Variants in PTGFRN observed in about 807,000 individuals in gnomAD.
PTGFRN encodes prostaglandin F2 receptor inhibitor.
PTGFRN carries 35 observed loss-of-function variants against 83.2 expected under a neutral mutation model. The ratio of observed to expected loss-of-function variants is 0.42; its 90% CI spans 0.32 to 0.56. The LOEUF is 0.56. Among genes scored for constraint, PTGFRN ranks in the 20% least tolerant of loss-of-function variants. The probability of loss-of-function intolerance (pLI) is 0.11; values close to 1 mark genes in which losing one functional copy is unlikely to be tolerated. For synonymous variants in PTGFRN, 519 were observed against 498.6 expected, an observed-to-expected ratio of 1.04 and a Z score of -0.55; for missense variants, 1,051 against 1,179.5, an observed-to-expected ratio of 0.89 and a Z score of 1.60.
chr1:116,957,624 T>C (rs1230120541), intron 4 of PTGFRN, among the ~76,000 whole-genome samples: 2 of 152,228 alleles, frequency 1.3e-5, no homozygotes, highest in Admixed American at 1.3e-4. Flanking sequence ...TTTTTTGTGC[T>C]GAGAATGTCG....
intron 4 of PTGFRN, among the ~76,000 whole-genome samples, chr1:116,959,439 G>C (rs559015165): frequency 6.6e-6 from 1 of 152,240 alleles, no homozygotes; most frequent in Non-Finnish European, 1.5e-5. Flanking sequence ...TGCATTTTCT[G>C]GTCCACTGAA....
chr1:116,945,668 GTATCATACAGACCA>G (rs1650181902), intron 3 of PTGFRN, among the ~76,000 whole-genome samples: 1 of 151,322 alleles, frequency 6.6e-6, no homozygotes, highest in South Asian at 2.1e-4. Flanking sequence ...TTGCTTTCCT[GTATCATACAGACCA>G]CAGGAGCATC....
In PTGFRN at chr1:116,918,218, T is replaced by G. The variant is rs1343777767; in HGVS notation, c.49+7966T>G. Reference sequence around the variant, plus strand: ...ATCTCCCAATTAAAAGAGGAAAAAATAGGATTCAGGCTTCAGAATCAGCCT... The same window carrying G: ...ATCTCCCAATTAAAAGAGGAAAAAAGAGGATTCAGGCTTCAGAATCAGCCT... On this transcript the variant is annotated intron_variant, in intron 1 of 8. Transcript: ENST00000393203. The surrounding 1 kb of genome is among the most constrained non-coding windows in gnomAD (Gnocchi z 4.1). 6.6e-6 allele frequency among the ~76,000 whole-genome samples: 1 copy of G among 152,196 alleles called. No individual in the cohort carries two copies. Among genetic ancestry groups the G allele is most frequent in the Admixed American group, 6.5e-5 (1 of 15,270 alleles).
intron 4 of PTGFRN, among the ~76,000 whole-genome samples, chr1:116,955,525 C>A (rs897509455): frequency 3.3e-5 from 5 of 151,986 alleles, no homozygotes; most frequent in African/African-American, 1.2e-4. Context: ...TAAAGTATAT[C>A]CCAGACATCA....
chr1:116,979,703 C>T (rs1339701544), intron 7 of PTGFRN, among the ~76,000 whole-genome samples: 1 of 152,120 alleles, frequency 6.6e-6, no homozygotes, highest in African/African-American at 2.4e-5. Context: ...TTCCTTACAC[C>T]TTATACAAAA....
chr1:116,975,323 G>A (rs1435951082), intron 7 of PTGFRN, among the ~76,000 whole-genome samples: 1 of 152,228 alleles, frequency 6.6e-6, no homozygotes, highest in Admixed American at 6.5e-5. Context: ...ACAAAAGGCA[G>A]CAGAAACCTC....
At position 116,984,694 on chromosome 1, in the gene PTGFRN, G is replaced by A. The variant is rs1412537092; in HGVS notation, c.2182G>A (p.Asp728Asn). ...AALDPDDMAF[D>N]VSWFAVHSFG... ...GTAATCCGTAGATGACATGGCCTTT[G>A]ATGTGTCCTGGTTTGCGGTGCACTC... Residue 728 changes from aspartate to asparagine, a missense_variant, in exon 8 of 9, where the codon GAT (aspartate) becomes AAT (asparagine). Transcript: ENST00000393203. 2.5e-6 allele frequency: 4 copies of A among 1,613,974 alleles called. No homozygotes were observed. The highest frequency in any genetic ancestry group is 3.4e-6 in the Non-Finnish European group (4 of 1,179,944).
chr1:116,944,648 G>C (rs56209138), intron 2 of PTGFRN, 31 bp from the exon 3 acceptor site: 6 of 1,386,470 alleles, frequency 4.3e-6, no homozygotes, highest in South Asian at 1.9e-5. Context: ...CGGTGTGGAC[G>C]GGCTACTGAC....
At chr1:116,922,872 C>T (rs1444783789) in intron 1 of PTGFRN, among the ~76,000 whole-genome samples, 3 of 152,224 alleles carry the variant, frequency 2.0e-5, no homozygotes, top group Non-Finnish European at 4.4e-5. Context: ...TAGATGCACA[C>T]AACACCTTCT....
chr1:116,949,347 G>T lies in PTGFRN; in HGVS notation c.988G>T (p.Val330Leu). 6.2e-7 allele frequency: 1 copy of T among 1,614,268 alleles called. No homozygotes were observed. The highest frequency in any genetic ancestry group is 8.5e-7 in the Non-Finnish European group (1 of 1,180,054). The change falls in exon 4 of 9, where the codon GTG (valine) becomes TTG (leucine). Residue 330 changes from valine to leucine, a missense_variant. Val to Leu is a conservative substitution (Grantham distance 32). Coordinates refer to ENST00000393203, the MANE Select transcript of PTGFRN (RefSeq NM_020440.4). ...TGACAGCACCCTACCTGGCTCCCGC[G>T]TGTTGGCGCGGCTTGACCGTGATTC... ...MPDSTLPGSRVLARLDRDSLV... is the reference protein window; with the variant it reads ...MPDSTLPGSRLLARLDRDSLV...
At chr1:116,948,897 C>T (rs1178077648) in intron 3 of PTGFRN, among the ~76,000 whole-genome samples, 2 of 152,132 alleles carry the variant, frequency 1.3e-5, no homozygotes, top group Non-Finnish European at 2.9e-5. Flanking sequence ...AAAATTAGGC[C>T]TCTTAGGGTT....
intron 6 of PTGFRN, among the ~76,000 whole-genome samples, chr1:116,969,006 G>A (rs766946333): frequency 1.4e-4 from 21 of 151,834 alleles, no homozygotes; most frequent in African/African-American, 3.4e-4. Flanking sequence ...TAGTGCTGCC[G>A]TAAACATTAT....
At chr1:116,951,188 C>G in intron 4 of PTGFRN, among the ~76,000 whole-genome samples, 1 of 152,300 alleles carries the variant, frequency 6.6e-6, no homozygotes. Flanking sequence ...GCATTGATCC[C>G]GGCATACCCG....
intron 6 of PTGFRN, among the ~76,000 whole-genome samples, chr1:116,972,216 C>T (rs1241078585): frequency 6.6e-6 from 1 of 152,164 alleles, no homozygotes; most frequent in Non-Finnish European, 1.5e-5. Context: ...GGATGATGTC[C>T]AGAAGTAGGT....
intron 8 of PTGFRN, 89 bp from the exon 9 acceptor site, chr1:116,986,712 T>A (rs1651497434): frequency 7.6e-7 from 1 of 1,321,916 alleles, no homozygotes; most frequent in African/African-American, 1.5e-5. Flanking sequence ...CGGGAGATCC[T>A]GCTCCAGTGG....
At chr1:116,962,792 G>A (rs555561642) in intron 5 of PTGFRN, among the ~76,000 whole-genome samples, 1 of 152,240 alleles carries the variant, frequency 6.6e-6, no homozygotes, top group Admixed American at 6.5e-5. Context: ...CAACCTTACT[G>A]GGGCCAACAA....
At chr1:116,924,695 A>G (rs188132497) in intron 1 of PTGFRN, among the ~76,000 whole-genome samples, 4 of 152,286 alleles carry the variant, frequency 2.6e-5, no homozygotes, top group Non-Finnish European at 5.9e-5. Flanking sequence ...GAGCCTGGTG[A>G]AGGGCTATTT....
intron 3 of PTGFRN, among the ~76,000 whole-genome samples, chr1:116,945,310 C>T (rs1035533199): frequency 6.6e-5 from 10 of 152,118 alleles, no homozygotes; most frequent in African/African-American, 2.4e-4. Flanking sequence ...CGTTTTGCTT[C>T]GCAGCTGCTT....
chr1:116,927,381 C>G (rs896431754), intron 1 of PTGFRN, among the ~76,000 whole-genome samples: 4 of 152,156 alleles, frequency 2.6e-5, no homozygotes, highest in Admixed American at 6.5e-5. Flanking sequence ...GGCCACAAAA[C>G]TGGAAGCAAT....
Sources: allele counts gnomAD v4.1 joint callset (sites outside exome capture counted in the v4.1 genomes callset), GRCh38; gene constraint gnomAD v4.1.1; non-coding constraint Gnocchi (gnomAD v3.1); transcripts MANE v1.5; gene names NCBI Gene and HGNC (gene_info 2026-07-23, HGNC 2026-07-21).